PCED1B: variants seen among roughly 807,000 people sequenced by gnomAD.
The protein encoded by PCED1B is PC-esterase domain-containing protein 1B.
For synonymous variants in PCED1B, 251 were observed against 246.1 expected (o/e 1.02, Z -0.19); for missense variants, 573 against 573.9 (o/e 1.00, Z 0.02).
chr12:47,171,959 T>A (rs1156434054), intron 2 of PCED1B, among the ~76,000 whole-genome samples: 3 of 152,052 alleles, frequency 2.0e-5, no homozygotes, highest in African/African-American at 7.3e-5. Context: ...TAGATAGATA[T>A]TTGCATAGTT....
chr12:47,172,546 G>A (rs1941787077), intron 2 of PCED1B, among the ~76,000 whole-genome samples: 1 of 152,078 alleles, frequency 6.6e-6, no homozygotes, highest in African/African-American at 2.4e-5. Flanking sequence ...TCTGAATGTG[G>A]TAGAAAGCAA....
At chr12:47,160,281 CTTTTTCTTTTTCTTTTTTTTTTTT>C (rs1347508904) in intron 2 of PCED1B, among the ~76,000 whole-genome samples, 3 of 119,204 alleles carry the variant, frequency 2.5e-5, no homozygotes, top group Non-Finnish European at 5.2e-5. Flanking sequence ...CTTTCTTTTT[CTTTTTCTTTTTCTTTTTTTTTTTT>C]TTTTTTTTTT....
At chr12:47,129,398 A>T (rs972455686) in intron 2 of PCED1B, among the ~76,000 whole-genome samples, 9 of 152,076 alleles carry the variant, frequency 5.9e-5, no homozygotes, top group African/African-American at 1.9e-4. Context: ...CTGAGGTAGG[A>T]GGATCGCTTG....
intron 2 of PCED1B, among the ~76,000 whole-genome samples, chr12:47,172,930 C>T (rs560233537): frequency 6.6e-6 from 1 of 152,182 alleles, no homozygotes; most frequent in East Asian, 1.9e-4. Flanking sequence ...GAGAAGGTAC[C>T]AAAATGTTTT....
chr12:47,111,703 T>C (rs994507286), intron 2 of PCED1B, among the ~76,000 whole-genome samples: 1 of 152,244 alleles, frequency 6.6e-6, no homozygotes, highest in Admixed American at 6.5e-5. Context: ...TTTGGTTGGC[T>C]TATTTCACTC....
intron 1 of PCED1B, among the ~76,000 whole-genome samples, chr12:47,097,534 G>A (rs1405449606): frequency 2.0e-5 from 3 of 152,176 alleles, no homozygotes; most frequent in Admixed American, 6.5e-5. Context: ...AGTTTTCAGA[G>A]CCAGAAATTA....
In PCED1B at chr12:47,236,280, G is replaced by T. The variant is rs144499270; in HGVS notation, c.1217G>T (p.Arg406Leu). The T allele has an allele frequency of 6.2e-7, 1 of 1,614,094 alleles. No individual in the cohort carries two copies. The change falls in exon 4 of 4, where the codon CGT becomes CTT. Residue 406 changes from arginine (R) to leucine (L), a missense_variant. By Grantham distance (102) the Arg-to-Leu change is moderately radical. Coordinates refer to ENST00000546455, the MANE Select transcript of PCED1B (RefSeq NM_138371.3). ...VHRGFGRYRPRGPYTPWGQRP... is the reference protein window; with the variant it reads ...VHRGFGRYRPLGPYTPWGQRP... The stretch of plus-strand genomic sequence containing the variant: ...AGGGGTTTTGGCAGGTATCGTCCCC[G>T]TGGCCCCTATACGCCCTGGGGACAG...
At chr12:47,176,915 T>C (rs187320576) in intron 2 of PCED1B, among the ~76,000 whole-genome samples, 1 of 151,522 alleles carries the variant, frequency 6.6e-6, no homozygotes, top group African/African-American at 2.4e-5. Flanking sequence ...GAGAGTACGA[T>C]AGGAAGAAAA....
Position 47,220,554 on chromosome 12 carries a change from G to A in PCED1B, c.-58+3865G>A, listed in dbSNP as rs147982562. On this transcript the variant is annotated intron_variant, in intron 3 of 3. Coordinates refer to ENST00000546455, the MANE Select transcript of PCED1B (RefSeq NM_138371.3). ...AGATAATAATACTTCCTCCTTCACC[G>A]GGTTGTGAGAATGGAATAGGCCTGG... 2.2e-3 allele frequency among the ~76,000 whole-genome samples: 332 copies of A among 152,246 alleles called. 2 individuals are homozygous for A. Among genetic ancestry groups the A allele is most frequent in the Middle Eastern group, 0.01 (3 of 294 alleles).
At chr12:47,083,022 G>A (rs1317274023) in intron 1 of PCED1B, among the ~76,000 whole-genome samples, 1 of 149,152 alleles carries the variant, frequency 6.7e-6, no homozygotes, top group Non-Finnish European at 1.5e-5. Context: ...AGGGGGTGTG[G>A]TCATGTGAGT....
At chr12:47,113,149 TCAGA>T (rs927974403) in intron 2 of PCED1B, among the ~76,000 whole-genome samples, 2 of 152,178 alleles carry the variant, frequency 1.3e-5, no homozygotes, top group Non-Finnish European at 2.9e-5. Context: ...ACTAAGATGC[TCAGA>T]CAGAGTCCCT....
At chr12:47,185,410 A>G (rs1355227322) in intron 2 of PCED1B, among the ~76,000 whole-genome samples, 1 of 152,200 alleles carries the variant, frequency 6.6e-6, no homozygotes, top group Non-Finnish European at 1.5e-5. Context: ...AAGCCGAGGA[A>G]TGCCAAGTAT....
chr12:47,178,866 CAAAAAAAAAAA>C (rs35135157), intron 2 of PCED1B, among the ~76,000 whole-genome samples: 1 of 81,292 alleles, frequency 1.2e-5, no homozygotes, highest in Non-Finnish European at 2.5e-5. Flanking sequence ...GACTCCATCT[CAAAAAAAAAAA>C]AAAAAAGAAA....
At chr12:47,104,949 G>T (rs1473680713) in intron 2 of PCED1B, among the ~76,000 whole-genome samples, 1 of 152,196 alleles carries the variant, frequency 6.6e-6, no homozygotes, top group African/African-American at 2.4e-5. Flanking sequence ...AGACTGGGCA[G>T]GGACCTCCTT....
At chr12:47,137,313 T>G (rs1940414240) in intron 2 of PCED1B, among the ~76,000 whole-genome samples, 1 of 152,224 alleles carries the variant, frequency 6.6e-6, no homozygotes, top group African/African-American at 2.4e-5. Context: ...AAAATATGTC[T>G]TCAAATATAG....
chr12:47,176,626 GT>G (rs1239871083), intron 2 of PCED1B, among the ~76,000 whole-genome samples: 2 of 152,164 alleles, frequency 1.3e-5, no homozygotes, highest in Non-Finnish European at 2.9e-5. Context: ...CAAGTAAACT[GT>G]TTTCCTGGGT....
chr12:47,084,661 C>T (rs908404567), intron 1 of PCED1B, among the ~76,000 whole-genome samples: 8 of 152,162 alleles, frequency 5.3e-5, no homozygotes, highest in Non-Finnish European at 1.0e-4. Flanking sequence ...GTTAGGATCA[C>T]GCTGTTGAAA....
chr12:47,194,380 G>T (rs1486384059), intron 2 of PCED1B, among the ~76,000 whole-genome samples: 1 of 152,048 alleles, frequency 6.6e-6, no homozygotes, highest in African/African-American at 2.4e-5. Context: ...TCACCATGTT[G>T]GTCAGGCTGG....
chr12:47,100,726 G>A (rs529283612), intron 1 of PCED1B, among the ~76,000 whole-genome samples: 7 of 152,244 alleles, frequency 4.6e-5, no homozygotes, highest in Admixed American at 1.3e-4. Flanking sequence ...ACTGGATTGT[G>A]GTAATAAGTC....
Sources: allele counts gnomAD v4.1 joint callset (sites outside exome capture counted in the v4.1 genomes callset), GRCh38; gene constraint gnomAD v4.1.1; transcripts MANE v1.5; gene names NCBI Gene and HGNC (gene_info 2026-07-23, HGNC 2026-07-21).